The following GPHN variants were observed in gnomAD, a reference collection of about 807,000 sequenced individuals.
GPHN encodes gephyrin.
Under a neutral mutation model 95.5 loss-of-function variants are expected in GPHN, and 17 were observed. The observed-to-expected ratio is 0.18, with a 90% CI of 0.12 to 0.27. The LOEUF is 0.27. Ranked by LOEUF, GPHN falls within the 10% of genes least tolerant of loss-of-function variation. The pLI is 1.00. For synonymous variants in GPHN, 320 were observed against 322.5 expected, an observed-to-expected ratio of 0.99 and a Z score of 0.08; for missense variants, 660 against 978.1, an observed-to-expected ratio of 0.67 and a Z score of 4.34.
chr14:67,621,982 A>G, the GPHN span, among the ~76,000 whole-genome samples: 5 of 152,100 alleles, frequency 3.3e-5, no homozygotes, highest in South Asian at 1.0e-3. Flanking sequence ...CTGTAGTCCC[A>G]GCTACTCAGG....
the GPHN span, among the ~76,000 whole-genome samples, chr14:67,331,202 G>A: frequency 1.3e-5 from 2 of 151,908 alleles, no homozygotes; most frequent in Non-Finnish European, 2.9e-5. Flanking sequence ...GCACCATCAC[G>A]CCTGGCTATT....
At chr14:66,907,594 C>T (rs570338945) in intron 5 of GPHN, among the ~76,000 whole-genome samples, 1 of 152,106 alleles carries the variant, frequency 6.6e-6, no homozygotes, top group East Asian at 1.9e-4. Context: ...TCCCAGAAAG[C>T]AATGAGGACT....
the GPHN span, among the ~76,000 whole-genome samples, chr14:67,187,194 A>G: frequency 5.9e-5 from 9 of 152,328 alleles, no homozygotes; most frequent in African/African-American, 2.2e-4. Flanking sequence ...AGCATTAGGA[A>G]GGTACTGAAA....
chr14:66,516,644 TCTGC>T (rs2058258513), intron 1 of GPHN, among the ~76,000 whole-genome samples: 1 of 152,242 alleles, frequency 6.6e-6, no homozygotes, highest in African/African-American at 2.4e-5. Flanking sequence ...GCTAAATGTG[TCTGC>T]CTGATGCTGT....
At chr14:67,382,702 C>T in the GPHN span, 10 of 1,260,226 alleles carry the variant, frequency 7.9e-6, no homozygotes, top group Non-Finnish European at 1.0e-5. Context: ...GATGGTCATT[C>T]AGGCCTTTGA....
At chr14:66,852,408 T>C (rs1429527313) in intron 4 of GPHN, among the ~76,000 whole-genome samples, 1 of 152,228 alleles carries the variant, frequency 6.6e-6, no homozygotes, top group African/African-American at 2.4e-5. Flanking sequence ...CGTGCGCGTG[T>C]TCACCTGTGC....
chr14:66,682,436 A>C (rs1226311303), intron 2 of GPHN, among the ~76,000 whole-genome samples: 3 of 152,134 alleles, frequency 2.0e-5, no homozygotes, highest in Non-Finnish European at 2.9e-5. Context: ...TCCTCAAAAG[A>C]CTTTGCTTAT....
At chr14:67,231,096 A>T in the GPHN span, among the ~76,000 whole-genome samples, 1 of 152,310 alleles carries the variant, frequency 6.6e-6, no homozygotes. Flanking sequence ...ATCTTGGAAG[A>T]TATCCCCTGA....
At chr14:67,519,547 G>A in the GPHN span, among the ~76,000 whole-genome samples, 5 of 152,100 alleles carry the variant, frequency 3.3e-5, no homozygotes, top group African/African-American at 9.7e-5. Context: ...TCTGGTGTAA[G>A]CCCTACTAGG....
chr14:67,491,868 C>T, the GPHN span, among the ~76,000 whole-genome samples: 1 of 152,224 alleles, frequency 6.6e-6, no homozygotes, highest in African/African-American at 2.4e-5. Context: ...CCAGCTCCCC[C>T]AGGAAGCAAG....
chr14:66,870,790 A>G (rs1422716820), intron 4 of GPHN, among the ~76,000 whole-genome samples: 1 of 152,194 alleles, frequency 6.6e-6, no homozygotes, highest in Non-Finnish European at 1.5e-5. Context: ...AAAAGTATCC[A>G]TTCCTAGTTA....
chr14:66,647,060 C>CTT lies in GPHN; in HGVS notation c.65-34033_65-34032dup, dbSNP rs1194914414. On this transcript the variant is annotated intron_variant, in intron 1 of 22. Coordinates refer to ENST00000478722, the MANE Select transcript of GPHN (RefSeq NM_020806.5). ...CACAGGCACATGCCACCATACCTGG[C>CTT]TTTTTTTTTTTTTTTAATATTTTTT... is the stretch of plus-strand genomic sequence containing the variant. Among the ~76,000 whole-genome samples the CTT allele has an allele frequency of 3.5e-4, 44 of 124,442 alleles. 1 individual carries two copies. The highest frequency in any genetic ancestry group is 1.6e-3 in the East Asian group (7 of 4,300). The allele number at this position is 124,442 out of a possible 152,430, so 81.6% of individuals were successfully genotyped here.
At chr14:66,942,157 G>GCCT (rs2067464599) in intron 8 of GPHN, among the ~76,000 whole-genome samples, 1 of 152,052 alleles carries the variant, frequency 6.6e-6, no homozygotes, top group Admixed American at 6.5e-5. Flanking sequence ...GATTACAGGT[G>GCCT]CCTGCCACCA....
chr14:67,264,816 T>TA, the GPHN span, among the ~76,000 whole-genome samples: 1 of 152,196 alleles, frequency 6.6e-6, no homozygotes, highest in Non-Finnish European at 1.5e-5. Flanking sequence ...GTGTTATATA[T>TA]ATGCTTTTTG....
the GPHN span, among the ~76,000 whole-genome samples, chr14:67,680,308 TG>T: frequency 6.6e-6 from 1 of 152,230 alleles, no homozygotes; most frequent in Middle Eastern, 3.2e-3. Context: ...CACAAGGCTC[TG>T]TATCTCTCTG....
chr14:67,637,055 T>C, the GPHN span, among the ~76,000 whole-genome samples: 1 of 152,128 alleles, frequency 6.6e-6, no homozygotes, highest in African/African-American at 2.4e-5. Context: ...CTTGAAAAAT[T>C]AGTGAGACCG....
At chr14:67,627,785 C>G in the GPHN span, among the ~76,000 whole-genome samples, 1 of 152,128 alleles carries the variant, frequency 6.6e-6, no homozygotes. Flanking sequence ...TTTTAAGAGT[C>G]TATTTCCACA....
chr14:67,347,040 G>A, the GPHN span, among the ~76,000 whole-genome samples: 40 of 152,152 alleles, frequency 2.6e-4, no homozygotes, highest in African/African-American at 9.7e-4. Context: ...AGGCTGGAGT[G>A]CAGTGGCGTG....
chr14:67,309,173 A>G, the GPHN span, among the ~76,000 whole-genome samples: 66 of 152,158 alleles, frequency 4.3e-4, no homozygotes, highest in Non-Finnish European at 8.5e-4. Flanking sequence ...GACCTTTCCT[A>G]TGAGGGTCAG....
Sources: gnomAD v4.1 joint callset for allele counts (sites outside exome capture counted in the v4.1 genomes callset) on GRCh38, gnomAD v4.1.1 for gene constraint, MANE v1.5 for transcripts, NCBI Gene and HGNC (gene_info 2026-07-23, HGNC 2026-07-21) for gene names.